Variants in MAPK9 observed in about 807,000 individuals in gnomAD.
MAPK9 encodes mitogen-activated protein kinase 9.
A neutral mutation model predicts 57.1 loss-of-function variants in MAPK9; 30 were observed. That is an observed-to-expected ratio of 0.53 (90% CI 0.39 to 0.71). MAPK9 has a LOEUF of 0.71. Ranked by LOEUF, MAPK9 falls within the 30% of genes least tolerant of loss-of-function variation. The pLI, the probability that MAPK9 is intolerant of heterozygous loss-of-function variation, is 0.00. For synonymous variants in MAPK9, 155 were observed against 177.0 expected (o/e 0.88, Z 0.99); for missense variants, 362 against 521.0 (o/e 0.69, Z 2.97).
intron 5 of MAPK9, chr5:180,257,624 C>T (rs1202303211): frequency 6.6e-6 from 1 of 152,250 alleles, no homozygotes; most frequent in Non-Finnish European, 1.5e-5. Flanking sequence ...GACTGTCACC[C>T]TGTGACCTTG....
In MAPK9 at chr5:180,241,304, A is replaced by T. The variant is rs1021377141; in HGVS notation, c.872-149T>A. 529 of 523,196 alleles carry T rather than the reference A, an allele frequency of 1.0e-3. 1 individual carries two copies. The highest frequency in any genetic ancestry group is 2.4e-3 in the East Asian group (48 of 20,324). The allele number at this position is 523,196 out of a possible 1,614,324, so 32.4% of individuals were successfully genotyped here. A position where few individuals can be genotyped will look rare whatever the true frequency, so the allele number is the denominator to read the frequency against. On this transcript the variant is annotated intron_variant, in intron 8 of 11. Transcript: ENST00000452135. Reference sequence around the variant, plus strand: ...AGGTTCAAGATGAATATAACCCAAAATTTTTTTTTTTTTTTTCGGAGACGG... The same window carrying T: ...AGGTTCAAGATGAATATAACCCAAATTTTTTTTTTTTTTTTTCGGAGACGG...
At chr5:180,279,644 G>A (rs895507961) in intron 2 of MAPK9, among the ~76,000 whole-genome samples, 2 of 151,696 alleles carry the variant, frequency 1.3e-5, no homozygotes, top group East Asian at 1.9e-4. Flanking sequence ...ACTGCACCAC[G>A]GTTTCTTTAG....
At chr5:180,242,799 T>G in intron 7 of MAPK9, 44 bp from the exon 8 acceptor site, 1 of 1,484,684 alleles carries the variant, frequency 6.7e-7, no homozygotes, top group South Asian at 1.2e-5. Context: ...TACCTTGTAT[T>G]CACAGTACAT....
chr5:180,247,246 A>G lies in MAPK9; in HGVS notation c.688+193T>C. On this transcript the variant is annotated intron_variant, in intron 7 of 11. Transcript: ENST00000452135. The surrounding 1 kb of genome is among the most constrained non-coding windows in gnomAD (Gnocchi z 4.5). ...GTCTCAAAGTCATCACAGGTAGTCA[A>G]GTTAAAAATAAAGAATGAAATTGAA... is the stretch of plus-strand genomic sequence containing the variant. 1.6e-6 allele frequency: 1 copy of G among 614,052 alleles called. No homozygotes were observed. The highest frequency in any genetic ancestry group is 2.9e-6 in the Non-Finnish European group (1 of 350,288). 38.0% of individuals were successfully genotyped at this position (614,052 alleles called of 1,614,324 possible). A position where few individuals can be genotyped will look rare whatever the true frequency, so the allele number is the denominator to read the frequency against.
chr5:180,240,079 CTATT>C, intron 9 of MAPK9, 92 bp from the exon 10 acceptor site: 1 of 904,786 alleles, frequency 1.1e-6, no homozygotes, highest in Non-Finnish European at 1.8e-6. Flanking sequence ...GACTTCTAGT[CTATT>C]TATGATATGG....
At chr5:180,286,929 G>C (rs1371119696) in intron 1 of MAPK9, 2 of 152,228 alleles carry the variant, frequency 1.3e-5, no homozygotes, top group African/African-American at 4.8e-5. Context: ...ACTAACTGCT[G>C]TATACCCATA....
At chr5:180,260,304 G>A (rs764043159) in intron 5 of MAPK9, among the ~76,000 whole-genome samples, 2 of 151,936 alleles carry the variant, frequency 1.3e-5, no homozygotes, top group Non-Finnish European at 2.9e-5. Flanking sequence ...ATACAAGAAG[G>A]TATTCTGTAT....
rs1291101638 is a variant in MAPK9, at chr5:180,272,810, C to T, written c.123-3401G>A. ...ACACACAGTCATCACCATTCCTGTA[C>T]GCAGCTCCGGATCCCCTATGCATGT... On this transcript the variant is annotated intron_variant, in intron 2 of 11. Coordinates refer to ENST00000452135, the MANE Select transcript of MAPK9 (RefSeq NM_002752.5). Among the ~76,000 whole-genome samples, 8 of 152,312 alleles carry T rather than the reference C, an allele frequency of 5.3e-5. No individual in the cohort carries two copies. The East Asian group carries it at 5.8e-4, about 11-fold the overall frequency.
chr5:180,249,882 G>A (rs540843008), intron 5 of MAPK9, among the ~76,000 whole-genome samples: 2 of 152,016 alleles, frequency 1.3e-5, no homozygotes, highest in African/African-American at 2.4e-5. Flanking sequence ...ACTGCAGCAC[G>A]GCCACATCCT....
chr5:180,248,058 C>T (rs553976090), intron 6 of MAPK9: 3 of 690,824 alleles, frequency 4.3e-6, no homozygotes, highest in Admixed American at 2.9e-5. Flanking sequence ...GATACCACAC[C>T]TCCTGAGCGA....
intron 5 of MAPK9, 123 bp downstream of exon 5, chr5:180,261,561 T>A: frequency 2.0e-6 from 2 of 981,736 alleles, no homozygotes; most frequent in Non-Finnish European, 2.9e-6. Flanking sequence ...AAACACCATA[T>A]GATTCCATCA....
At chr5:180,267,367 C>T (rs1189692796) in intron 3 of MAPK9, among the ~76,000 whole-genome samples, 4 of 151,876 alleles carry the variant, frequency 2.6e-5, no homozygotes, top group Admixed American at 6.6e-5. Context: ...CGAGACCATC[C>T]TGGCTAACAT....
intron 1 of MAPK9, among the ~76,000 whole-genome samples, chr5:180,291,394 C>G (rs1365592824): frequency 1.3e-5 from 2 of 152,322 alleles, no homozygotes; most frequent in East Asian, 3.9e-4. Context: ...AGATGCACAC[C>G]GGGGTCCTGC....
chr5:180,239,962 T>C lies in MAPK9; in HGVS notation c.1022A>G (p.Gln341Arg), dbSNP rs761544523. ...AATTGCATGTTCTCTTTCTTCCAACTGGGCATCATAAATTTGAGGTGGTGG... is the reference window on the plus strand; with the variant it reads ...AATTGCATGTTCTCTTTCTTCCAACCGGGCATCATAAATTTGAGGTGGTGG... Reference protein sequence around the residue: ...EAPPPQIYDAQLEEREHAIEE... With the variant: ...EAPPPQIYDARLEEREHAIEE... Residue 341 changes from glutamine (Q) to arginine (R), a missense_variant, in exon 10 of 12, where the codon CAG becomes CGG. Physicochemically the swap from Gln to Arg is conservative, Grantham distance 43. This residue lies in a region of MAPK9 where 199 missense variants were observed against 251.3 expected (regional missense o/e 0.79). Transcript: ENST00000452135. The C allele has an allele frequency of 3.7e-6, 6 of 1,613,620 alleles. No homozygotes were observed. Among genetic ancestry groups the C allele is most frequent in the East Asian group, 4.5e-5 (2 of 44,876 alleles).
chr5:180,267,071 G>A (rs1011171630), intron 3 of MAPK9, among the ~76,000 whole-genome samples: 26 of 152,192 alleles, frequency 1.7e-4, no homozygotes, highest in African/African-American at 6.0e-4. Context: ...ATTGCACGAG[G>A]AGAAAAGCAG....
chr5:180,265,408 A>G (rs1760429714), intron 3 of MAPK9, among the ~76,000 whole-genome samples: 1 of 152,254 alleles, frequency 6.6e-6, no homozygotes, highest in Admixed American at 6.5e-5. Flanking sequence ...GTGGGAGGTG[A>G]CTGGATCATG....
At chr5:180,267,852 T>TTTTATTTATTTA (rs542480114) in intron 3 of MAPK9, among the ~76,000 whole-genome samples, 5 of 151,904 alleles carry the variant, frequency 3.3e-5, no homozygotes, top group South Asian at 2.1e-4. Context: ...ACGTTTTATA[T>TTTTATTTATTTA]TTTATTTATT....
intron 2 of MAPK9, chr5:180,279,687 A>AAAAAAG (rs1173658331): frequency 5.3e-5 from 19 of 361,742 alleles, no homozygotes; most frequent in African/African-American, 2.8e-4. Context: ...ATTGACCAAA[A>AAAAAAG]AAAAAGAAAA....
intron 7 of MAPK9, among the ~76,000 whole-genome samples, chr5:180,245,574 T>C (rs531014437): frequency 1.2e-3 from 177 of 152,098 alleles, no homozygotes; most frequent in African/African-American, 4.2e-3. Context: ...GGGGGACAGA[T>C]GAGAGGGACG....
Sources: gnomAD v4.1 joint callset for allele counts (sites outside exome capture counted in the v4.1 genomes callset) on GRCh38, gnomAD v4.1.1 for gene constraint, gnomAD v4.1.1 regional missense constraint, Gnocchi (gnomAD v3.1) non-coding constraint, MANE v1.5 for transcripts, NCBI Gene and HGNC (gene_info 2026-07-23, HGNC 2026-07-21) for gene names.